Variants in NOC2L observed in about 807,000 individuals in gnomAD.
NOC2L encodes the protein NOC2 like nucleolar associated transcriptional repressor, also known as nucleolar complex protein 2 homolog.
NOC2L carries 101 observed loss-of-function variants against 94.2 expected under a neutral mutation model. That is an observed-to-expected ratio of 1.07 (90% CI 0.91 to 1.26). The LOEUF is 1.26. NOC2L is among the 50% of genes most tolerant of loss of function. The pLI is 0.00. For synonymous variants in NOC2L, 531 were observed against 413.4 expected (o/e 1.28, Z -3.45); for missense variants, 1,076 against 980.1 (o/e 1.10, Z -1.31).
intron 17 of NOC2L, 59 bp downstream of exon 17, chr1:945,459 G>A (rs1317897535): frequency 1.9e-6 from 3 of 1,595,150 alleles, no homozygotes; most frequent in South Asian, 2.2e-5. Context: ...GTGGCTCTGG[G>A]AAGTCCAGCA....
chr1:947,942 A>G (rs1056429935), intron 14 of NOC2L, among the ~76,000 whole-genome samples, 189 bp downstream of exon 14: 13 of 151,500 alleles, frequency 8.6e-5, no homozygotes, highest in African/African-American at 2.7e-4. Flanking sequence ...CTGCCCCCAA[A>G]CCTCCTGAAT....
chr1:949,631 C>A (rs915797912), intron 12 of NOC2L, among the ~76,000 whole-genome samples: 1 of 152,196 alleles, frequency 6.6e-6, no homozygotes, highest in South Asian at 2.1e-4. Context: ...ACAGACACTG[C>A]AAGAGAGTAA....
At chr1:945,778 C>G (rs951795707) in intron 16 of NOC2L, 125 bp from the exon 17 acceptor site, 8 of 1,202,598 alleles carry the variant, frequency 6.7e-6, no homozygotes, top group African/African-American at 4.6e-5. Context: ...CCCTCTGTTC[C>G]CAAATCACAA....
chr1:949,439 G>A (rs1005570490), intron 12 of NOC2L, among the ~76,000 whole-genome samples: 4 of 152,214 alleles, frequency 2.6e-5, no homozygotes, highest in Non-Finnish European at 5.9e-5. Flanking sequence ...TGGGCCAAAA[G>A]TATGGGCAGG....
At chr1:950,488 C>T (rs1642226916) in intron 12 of NOC2L, among the ~76,000 whole-genome samples, 1 of 151,994 alleles carries the variant, frequency 6.6e-6, no homozygotes, top group Non-Finnish European at 1.5e-5. Flanking sequence ...CACAGGTACA[C>T]ACTGGTATAC....
In NOC2L at chr1:952,404, C is replaced by T; in HGVS notation, c.1191+8G>A. The T allele has an allele frequency of 1.2e-6, 2 of 1,612,698 alleles. No homozygotes were observed. The highest frequency in any genetic ancestry group is 8.5e-7 in the Non-Finnish European group (1 of 1,179,502). ...CCAGCATGAGCCTGGAAGGGCCCCACCACACACCTTCTTGCGAGTGGTCAT... is the reference window on the plus strand; with the variant it reads ...CCAGCATGAGCCTGGAAGGGCCCCATCACACACCTTCTTGCGAGTGGTCAT... On this transcript the variant is annotated splice_region_variant and intron_variant, in intron 10 of 18. Coordinates refer to ENST00000327044, the MANE Select transcript of NOC2L (RefSeq NM_015658.4).
intron 8 of NOC2L, 97 bp downstream of exon 8, chr1:953,685 C>A (rs1162143606): frequency 2.2e-6 from 2 of 909,602 alleles, no homozygotes; most frequent in African/African-American, 3.2e-5. Context: ...GGAGTGTGGG[C>A]ACCACCTGTG....
Position 956,000 on chromosome 1 carries a change from C to G in NOC2L, c.621G>C (p.Leu207=), listed in dbSNP as rs750932126. ...TGAGGTCTCTGATGCAGAAGGTAAC[C>G]AGAGCATTGAATGCTGCAACGAAAA... The part of the protein sequence containing the change: ...QVTDSAAFNA[L]VTFCIRDLIG... The change falls in exon 6 of 19, where the codon CTG becomes CTC. Residue 207 remains leucine (L), a synonymous_variant. Transcript: ENST00000327044. The G allele has an allele frequency of 3.1e-6, 5 of 1,614,026 alleles. No homozygotes were observed. Among genetic ancestry groups the G allele is most frequent in the Non-Finnish European group, 8.5e-7 (1 of 1,180,030 alleles).
rs373923416 is a variant in NOC2L, at chr1:951,141, G to A, written c.1429C>T (p.Pro477Ser). ...GCCTCACTCACCTCCAGGATGAAAG[G>A]CAGCACCGGGATGAAGGCCCCCGAG... is the stretch of plus-strand genomic sequence containing the variant. ...GSSGAFIPVL[P>S]FILEMFQQVD... Residue 477 changes from proline (P) to serine (S), a missense_variant, in exon 12 of 19, where the codon CCT (proline) becomes TCT (serine). Transcript: ENST00000327044. 6 of 1,583,522 alleles carry A rather than the reference G, an allele frequency of 3.8e-6. No homozygotes were observed. The highest frequency in any genetic ancestry group is 2.3e-5 in the East Asian group (1 of 43,252).
At chr1:947,312 T>C (rs1260999408) in intron 14 of NOC2L, among the ~76,000 whole-genome samples, 1 of 152,204 alleles carries the variant, frequency 6.6e-6, no homozygotes, top group Non-Finnish European at 1.5e-5. Flanking sequence ...CTGTGGCCCC[T>C]GCTGTGAGTG....
chr1:954,042 G>T lies in NOC2L; in HGVS notation c.739C>A (p.Arg247Ser). The change falls in exon 7 of 19, where the codon CGT becomes AGT. Residue 247 changes from arginine (R) to serine (S), a missense_variant. By Grantham distance (110) the Arg-to-Ser change is moderately radical (BLOSUM62 -1). This residue lies in a region of NOC2L where 457 missense variants were observed against 386.0 expected (regional missense o/e 1.18). Coordinates refer to ENST00000327044, the MANE Select transcript of NOC2L (RefSeq NM_015658.4). Reference protein sequence around the residue: ...PSSSPLWGKLRVDIKAYLGSA... With the variant: ...PSSSPLWGKLSVDIKAYLGSA... ...CCCAGGTAAGCCTTGATGTCCACACGAAGCTTCCCCCAGAGCGGGCTGCTG... is the reference window on the plus strand; with the variant it reads ...CCCAGGTAAGCCTTGATGTCCACACTAAGCTTCCCCCAGAGCGGGCTGCTG... 1 of 1,608,900 alleles carries T rather than the reference G, an allele frequency of 6.2e-7. No individual in the cohort carries two copies. Among genetic ancestry groups the T allele is most frequent in the Non-Finnish European group, 8.5e-7 (1 of 1,176,560 alleles).
At chr1:953,123 C>A in intron 9 of NOC2L, 52 bp downstream of exon 9, 1 of 1,385,974 alleles carries the variant, frequency 7.2e-7, no homozygotes, top group East Asian at 2.3e-5. Context: ...GCCCTTAGGC[C>A]GAGATTTCCA....
intron 2 of NOC2L, chr1:958,493 G>A (rs1189088014): frequency 2.2e-5 from 8 of 357,326 alleles, no homozygotes; most frequent in Non-Finnish European, 4.4e-5. Context: ...CAGGTAATCT[G>A]CCCGCCTCGG....
rs769824739 is a variant in NOC2L, at chr1:946,215, C to G, written c.1875G>C (p.Leu625=). 1.9e-6 allele frequency: 3 copies of G among 1,613,618 alleles called. No individual in the cohort carries two copies. In the East Asian group the frequency reaches 6.7e-5, roughly 36 times the overall value. ...LTLYYSHWRK[L]RDREIQLEIS... ...TCTCCAGCTGGATCTCCCGGTCACG[C>G]AGCTTGCGCCAGTGGCTGTAGTACA... The change falls in exon 16 of 19, where the codon CTG becomes CTC. Residue 625 remains leucine, a synonymous_variant. Coordinates refer to ENST00000327044, the MANE Select transcript of NOC2L (RefSeq NM_015658.4).
chr1:945,162 CAG>C lies in NOC2L; in HGVS notation c.2054-18_2054-17del, dbSNP rs1642065232. On this transcript the variant is annotated splice_polypyrimidine_tract_variant and intron_variant, in intron 17 of 18. Coordinates refer to ENST00000327044, the MANE Select transcript of NOC2L (RefSeq NM_015658.4). ...CTCAGTATCCCTGAGGAACAAGAAG[CAG>C]AGTCCATATGACTCCCACCCACAGG... 1 of 1,584,588 alleles carries C rather than the reference CAG, an allele frequency of 6.3e-7. No homozygotes were observed. Among genetic ancestry groups the C allele is most frequent in the East Asian group, 2.3e-5 (1 of 43,200 alleles).
Position 945,667 on chromosome 1 carries a change from G to A in NOC2L, c.1918-14C>T, listed in dbSNP as rs777998404. On this transcript the variant is annotated splice_polypyrimidine_tract_variant and intron_variant, in intron 16 of 18. Transcript: ENST00000327044. ...CAGGTCTTCCAGCTGGAAGGCCAAAGAACCAGGGGCTCAGGTGAGAGAGGG... is the reference window on the plus strand; with the variant it reads ...CAGGTCTTCCAGCTGGAAGGCCAAAAAACCAGGGGCTCAGGTGAGAGAGGG... 6.2e-7 allele frequency: 1 copy of A among 1,614,126 alleles called. No individual in the cohort carries two copies. The highest frequency in any genetic ancestry group is 8.5e-7 in the Non-Finnish European group (1 of 1,179,984).
rs140114557 is a variant in NOC2L at position 957,132 on chromosome 1, C to G, written c.321G>C (p.Glu107Asp). The G allele has an allele frequency of 6.2e-7, 1 of 1,614,086 alleles. No individual in the cohort carries two copies. The highest frequency in any genetic ancestry group is 8.5e-7 in the Non-Finnish European group (1 of 1,180,042). Reference sequence around the variant, plus strand: ...CATCTGGCAGGGAGTGGAACGGCCCCTCTTCCTCCTCAGAGCTGTCCGAGT... The same window carrying G: ...CATCTGGCAGGGAGTGGAACGGCCCGTCTTCCTCCTCAGAGCTGTCCGAGT... Reference protein sequence around the residue: ...FSDSDSSEEEEGPFHSLPDVL... With the variant: ...FSDSDSSEEEDGPFHSLPDVL... Residue 107 changes from glutamate to aspartate, a missense_variant, in exon 3 of 19, where the codon GAG (glutamate) becomes GAC (aspartate). By Grantham distance (45) the Glu-to-Asp change is conservative. Around this residue, in one of 3 missense-constraint regions of NOC2L, gnomAD observed 457 missense variants for 386.0 expected, o/e 1.18. Coordinates refer to ENST00000327044, the MANE Select transcript of NOC2L (RefSeq NM_015658.4).
At position 952,536 on chromosome 1, in the gene NOC2L, C is replaced by T; in HGVS notation, c.1067G>A (p.Ser356Asn). ...FTSPGALPFI[S>N]FMQWTLTELL... ...CTCCGTCAAGGTCCACTGCATGAAA[C>T]TGATGAAGGGGAGGGCACCAGGCGA... Residue 356 changes from serine (S) to asparagine (N), a missense_variant, in exon 10 of 19, where the codon AGT (serine) becomes AAT (asparagine). By Grantham distance (46) the Ser-to-Asn change is conservative. This residue lies in a region of NOC2L where 615 missense variants were observed against 577.4 expected (regional missense o/e 1.07). Transcript: ENST00000327044. The T allele has an allele frequency of 6.2e-7, 1 of 1,613,956 alleles. No individual in the cohort carries two copies. The highest frequency in any genetic ancestry group is 8.5e-7 in the Non-Finnish European group (1 of 1,180,018).
Position 957,107 on chromosome 1 carries a change from CA to C in NOC2L, c.345del (p.Asp115GlufsTer26), listed in dbSNP as rs778382476. ...TTGGCCCACGCCCTCACCTCCAGCA[CA>C]TCTGGCAGGGAGTGGAACGGCCCCT... Reference protein sequence around the residue: ...EEEGPFHSLPDVLEEASEEED... With the variant: ...EEEGPFHSLPXVLEEASEEED... On this transcript the variant is annotated frameshift_variant, in exon 3 of 19. Coordinates refer to ENST00000327044, the MANE Select transcript of NOC2L (RefSeq NM_015658.4). LOFTEE classifies it high-confidence loss of function. The C allele has an allele frequency of 9.9e-5, 159 of 1,613,896 alleles. No homozygotes were observed. Among genetic ancestry groups the C allele is most frequent in the Middle Eastern group, 1.6e-4 (1 of 6,084 alleles).
Sources: allele counts gnomAD v4.1 joint callset (sites outside exome capture counted in the v4.1 genomes callset), GRCh38; gene constraint gnomAD v4.1.1; regional missense constraint gnomAD v4.1.1; transcripts MANE v1.5; gene names NCBI Gene and HGNC (gene_info 2026-07-23, HGNC 2026-07-21).